The following TRAM2 variants were observed in gnomAD, a reference collection of about 807,000 sequenced individuals.
TRAM2 encodes translocation associated membrane protein 2.
A neutral mutation model predicts 51.0 loss-of-function variants in TRAM2; 12 were observed. The observed-to-expected ratio is 0.24, with a 90% CI of 0.15 to 0.38. The LOEUF is 0.38. TRAM2 is among the 10% of genes least tolerant of loss of function. The pLI is 1.00. For synonymous variants in TRAM2, 175 were observed against 179.4 expected, an observed-to-expected ratio of 0.98 and a Z score of 0.20; for missense variants, 361 against 462.0, an observed-to-expected ratio of 0.78 and a Z score of 2.00.
Position 52,504,760 on chromosome 6 carries a change from G to A in TRAM2, c.876-6C>T, listed in dbSNP as rs968488472. ...CCAGCAGCAGCACGCAGAGCCTGCA[G>A]AGCAGGGGGTTAGGGGCTTAGGCTG... is the stretch of plus-strand genomic sequence containing the variant. On this transcript the variant is annotated splice_polypyrimidine_tract_variant and splice_region_variant and intron_variant, in intron 9 of 10. Coordinates refer to ENST00000182527, the MANE Select transcript of TRAM2 (RefSeq NM_012288.4). 2 of 1,597,252 alleles carry A rather than the reference G, an allele frequency of 1.3e-6. No individual in the cohort carries two copies. Among genetic ancestry groups the A allele is most frequent in the Non-Finnish European group, 1.7e-6 (2 of 1,174,058 alleles).
At position 52,502,906 on chromosome 6, in the gene TRAM2, A is replaced by G; in HGVS notation, c.*291T>C. 1 of 426,952 alleles carries G rather than the reference A, an allele frequency of 2.3e-6. No homozygotes were observed. The highest frequency in any genetic ancestry group is 4.2e-6 in the Non-Finnish European group (1 of 239,178). 26.4% of individuals were successfully genotyped at this position (426,952 alleles called of 1,614,324 possible). On this transcript the variant is annotated 3_prime_UTR_variant, in exon 11 of 11. Transcript: ENST00000182527. Reference sequence around the variant, plus strand: ...CAGAGCAAGCAGAAAGGTGCCAGCCATGGGCGCCTGGCGTTCCAGAAAAGC... The same window carrying G: ...CAGAGCAAGCAGAAAGGTGCCAGCCGTGGGCGCCTGGCGTTCCAGAAAAGC...
chr6:52,525,059 A>T (rs1766752427), intron 2 of TRAM2: 2 of 152,198 alleles, frequency 1.3e-5, no homozygotes, highest in Admixed American at 1.3e-4. Context: ...TCTTCAGAGT[A>T]ATCCCGGGAT....
At chr6:52,557,437 A>T (rs1400720831) in intron 1 of TRAM2, among the ~76,000 whole-genome samples, 1 of 152,220 alleles carries the variant, frequency 6.6e-6, no homozygotes, top group Non-Finnish European at 1.5e-5. Flanking sequence ...AAACTCACTG[A>T]AGTAGGTACA....
rs1387612779 is a variant in TRAM2, at chr6:52,502,918, C to T, written c.*279G>A. 8 of 435,764 alleles carry T rather than the reference C, an allele frequency of 1.8e-5. No homozygotes were observed. Among genetic ancestry groups the T allele is most frequent in the Middle Eastern group, 5.8e-4 (1 of 1,724 alleles). 27.0% of individuals were successfully genotyped at this position (435,764 alleles called of 1,614,324 possible). ...AAAGGTGCCAGCCATGGGCGCCTGGCGTTCCAGAAAAGCCAGCACAGGACA... is the reference window on the plus strand; with the variant it reads ...AAAGGTGCCAGCCATGGGCGCCTGGTGTTCCAGAAAAGCCAGCACAGGACA... On this transcript the variant is annotated 3_prime_UTR_variant, in exon 11 of 11. Coordinates refer to ENST00000182527, the MANE Select transcript of TRAM2 (RefSeq NM_012288.4).
intron 4 of TRAM2, among the ~76,000 whole-genome samples, chr6:52,510,979 C>G (rs1167212090): frequency 6.6e-6 from 1 of 152,214 alleles, no homozygotes; most frequent in African/African-American, 2.4e-5. Flanking sequence ...GGCAATTTCT[C>G]TCTTCTGAAG....
chr6:52,568,021 A>C (rs535212687), intron 1 of TRAM2, among the ~76,000 whole-genome samples: 2 of 152,316 alleles, frequency 1.3e-5, no homozygotes, highest in Admixed American at 1.3e-4. Context: ...CTACATGTCC[A>C]TGTTAAGAAG....
intron 2 of TRAM2, among the ~76,000 whole-genome samples, chr6:52,521,059 G>A (rs1275155485): frequency 6.6e-6 from 1 of 151,788 alleles, no homozygotes; most frequent in Non-Finnish European, 1.5e-5. Flanking sequence ...CGGGCCACCA[G>A]TTCCGGCAAA....
intron 1 of TRAM2, among the ~76,000 whole-genome samples, chr6:52,564,016 C>T (rs1027382455): frequency 6.6e-6 from 1 of 151,892 alleles, no homozygotes; most frequent in African/African-American, 2.4e-5. Flanking sequence ...ACTGGTTACC[C>T]GAGAACCCAA....
intron 2 of TRAM2, chr6:52,524,923 G>A (rs1766747988): frequency 6.6e-6 from 1 of 152,174 alleles, no homozygotes; most frequent in South Asian, 2.1e-4. Flanking sequence ...CACACTGTAA[G>A]GTGCTATGCA....
intron 2 of TRAM2, among the ~76,000 whole-genome samples, chr6:52,530,845 T>G (rs1360208757): frequency 6.6e-6 from 1 of 152,048 alleles, no homozygotes; most frequent in Admixed American, 6.5e-5. Context: ...AAACTAATAC[T>G]GGGAGCTGGG....
At chr6:52,504,780 AGGCTGGGGCTTG>A in intron 9 of TRAM2, 26 bp from the exon 10 acceptor site, 1 of 1,574,426 alleles carries the variant, frequency 6.4e-7, no homozygotes, top group Non-Finnish European at 8.6e-7. Context: ...TTAGGGGCTT[AGGCTGGGGCTTG>A]GGCTCACAGC....
intron 1 of TRAM2, among the ~76,000 whole-genome samples, chr6:52,575,073 G>T (rs1021385495): frequency 6.6e-6 from 1 of 152,200 alleles, no homozygotes; most frequent in Non-Finnish European, 1.5e-5. Context: ...CTGGGCAAAG[G>T]AAATTCTGTT....
At chr6:52,506,883 T>C (rs1270164410) in intron 7 of TRAM2, among the ~76,000 whole-genome samples, 1 of 152,198 alleles carries the variant, frequency 6.6e-6, no homozygotes, top group Non-Finnish European at 1.5e-5. Flanking sequence ...ACCTCGGGAT[T>C]TCCAGGCACC....
At chr6:52,573,931 G>A (rs966542705) in intron 1 of TRAM2, among the ~76,000 whole-genome samples, 5 of 152,164 alleles carry the variant, frequency 3.3e-5, no homozygotes, top group East Asian at 1.9e-4. Context: ...CAAGAGAGTC[G>A]CTCTTTGTGG....
Position 52,503,111 on chromosome 6 carries a change from G to C in TRAM2, c.*86C>G. On this transcript the variant is annotated 3_prime_UTR_variant, in exon 11 of 11. Transcript: ENST00000182527. The stretch of plus-strand genomic sequence containing the variant: ...TGTTTGAGACGGAGCATCACAGGCA[G>C]GAAGGAGGAGGCAGGGAGGGGGCCT... 8.8e-7 allele frequency: 1 copy of C among 1,138,056 alleles called. No homozygotes were observed. Among genetic ancestry groups the C allele is most frequent in the South Asian group, 1.2e-5 (1 of 81,476 alleles). The allele number at this position is 1,138,056 out of a possible 1,614,324, so 70.5% of individuals were successfully genotyped here.
At chr6:52,564,607 C>T (rs1767559375) in intron 1 of TRAM2, among the ~76,000 whole-genome samples, 1 of 152,116 alleles carries the variant, frequency 6.6e-6, no homozygotes, top group Admixed American at 6.6e-5. Flanking sequence ...AGGGTTTATG[C>T]TCTCTTCCCT....
intron 2 of TRAM2, among the ~76,000 whole-genome samples, chr6:52,521,528 A>G (rs1026135320): frequency 6.6e-6 from 1 of 151,436 alleles, no homozygotes; most frequent in Non-Finnish European, 1.5e-5. Flanking sequence ...CCCCGTCTCC[A>G]CTAAAAATAC....
intron 10 of TRAM2, 62 bp from the exon 11 acceptor site, chr6:52,503,332 G>A (rs967684215): frequency 3.3e-6 from 5 of 1,506,024 alleles, no homozygotes; most frequent in African/African-American, 1.4e-5. Flanking sequence ...CAGAAGAGGG[G>A]AGGGTGGGGC....
At chr6:52,545,644 G>A (rs568015743) in intron 1 of TRAM2, among the ~76,000 whole-genome samples, 22 of 121,630 alleles carry the variant, frequency 1.8e-4, no homozygotes, top group African/African-American at 6.0e-4. Context: ...GGCCACACAA[G>A]GAACCAAGGC....
Sources: gnomAD v4.1 joint callset for allele counts (sites outside exome capture counted in the v4.1 genomes callset) on GRCh38, gnomAD v4.1.1 for gene constraint, MANE v1.5 for transcripts, NCBI Gene and HGNC (gene_info 2026-07-23, HGNC 2026-07-21) for gene names.